RABL2A: variants seen among roughly 807,000 people sequenced by gnomAD.
RABL2A encodes rab-like protein 2A.
A neutral mutation model predicts 30.7 loss-of-function variants in RABL2A; 17 were observed. The observed-to-expected ratio is 0.55, with a 90% CI of 0.38 to 0.83. RABL2A has a LOEUF of 0.83. RABL2A is among the 40% of genes least tolerant of loss of function. RABL2A has a pLI of 0.00. For synonymous variants in RABL2A, 64 were observed against 101.8 expected, an observed-to-expected ratio of 0.63 and a Z score of 2.24; for missense variants, 155 against 272.6, an observed-to-expected ratio of 0.57 and a Z score of 3.04.
At chr2:113,640,853 T>C (rs760879350) in intron 5 of RABL2A, 41 bp from the exon 6 acceptor site, 6 of 1,613,052 alleles carry the variant, frequency 3.7e-6, no homozygotes, top group East Asian at 4.5e-5. Context: ...TGCAGAAACA[T>C]TGACATACCT....
At chr2:113,638,561 T>C (rs1430085013) in intron 5 of RABL2A, 2 of 985,222 alleles carry the variant, frequency 2.0e-6, no homozygotes, top group East Asian at 1.1e-4. Context: ...TCCTTCTTGC[T>C]GATATTTTAA....
chr2:113,634,255 A>G (rs779463036), intron 4 of RABL2A, 23 bp downstream of exon 4: 1 of 1,601,652 alleles, frequency 6.2e-7, no homozygotes, highest in African/African-American at 1.3e-5. Context: ...GGGCCAAGAC[A>G]TGCTGACCCT....
At chr2:113,636,711 G>GGGTGC (rs2104705301) in intron 5 of RABL2A, among the ~76,000 whole-genome samples, 1 of 152,290 alleles carries the variant, frequency 6.6e-6, no homozygotes, top group African/African-American at 2.4e-5. Context: ...GCCATGGGCC[G>GGGTGC]GGTGCGGTGG....
intron 3 of RABL2A, chr2:113,633,933 GAC>G (rs1444396953): frequency 1.0e-6 from 1 of 981,286 alleles, no homozygotes; most frequent in East Asian, 2.8e-5. Context: ...CGATGGCCAG[GAC>G]ACACTCTCAT....
At chr2:113,635,834 C>T (rs947465500) in intron 5 of RABL2A, among the ~76,000 whole-genome samples, 19 of 151,394 alleles carry the variant, frequency 1.3e-4, no homozygotes, top group South Asian at 4.2e-4. Context: ...TGGCTGGGCA[C>T]GGTGGCTCAT....
intron 5 of RABL2A, chr2:113,637,567 C>T: frequency 8.3e-7 from 1 of 1,207,560 alleles, no homozygotes; most frequent in Non-Finnish European, 1.1e-6. Context: ...AAGGAAGGAA[C>T]TCGTCACCTA....
At chr2:113,640,033 C>G (rs1217197804) in intron 5 of RABL2A, 5 of 151,792 alleles carry the variant, frequency 3.3e-5, no homozygotes, top group African/African-American at 9.7e-5. Context: ...TGCGTGCGTG[C>G]TACTTGGGAG....
chr2:113,630,084 C>G (rs1223298107), intron 2 of RABL2A, among the ~76,000 whole-genome samples: 2 of 152,142 alleles, frequency 1.3e-5, no homozygotes, highest in Admixed American at 1.3e-4. Context: ...CAATGCTAGT[C>G]TCTTTATATG....
chr2:113,630,235 T>C (rs1037290160), intron 2 of RABL2A, among the ~76,000 whole-genome samples: 21 of 152,142 alleles, frequency 1.4e-4, no homozygotes, highest in Admixed American at 5.2e-4. Flanking sequence ...AGGCAAAAGG[T>C]TGTCCCAGAT....
intron 3 of RABL2A, chr2:113,633,824 A>C: frequency 5.9e-6 from 2 of 341,148 alleles, no homozygotes; most frequent in South Asian, 3.1e-5. Flanking sequence ...AGCTCCATCC[A>C]TGATTGAGTT....
chr2:113,641,526 A>G (rs769348854), intron 7 of RABL2A, 76 bp downstream of exon 7: 33 of 1,612,332 alleles, frequency 2.0e-5, no homozygotes, highest in Non-Finnish European at 2.5e-5. Flanking sequence ...AGAAGGGCTT[A>G]CTGCAGGTGT....
chr2:113,635,288 GCTT>G (rs58901919), intron 5 of RABL2A, 158 bp downstream of exon 5: 206,199 of 665,662 alleles, frequency 0.31, 34,968 homozygotes, highest in Middle Eastern at 0.43. Context: ...GCTCCCCAGA[GCTT>G]CTTAGTGAGA....
chr2:113,628,992 G>A (rs1679196360), intron 2 of RABL2A, among the ~76,000 whole-genome samples: 1 of 151,650 alleles, frequency 6.6e-6, no homozygotes, highest in South Asian at 2.1e-4. Flanking sequence ...TTTGTGGGCT[G>A]AGGGATGGCA....
At position 113,642,277 on chromosome 2, in the gene RABL2A, C is replaced by T. The variant is rs557145191; in HGVS notation, c.*148C>T. On this transcript the variant is annotated 3_prime_UTR_variant, in exon 9 of 9. Transcript: ENST00000683472. ...CTATTAGCCTCCCACATTCAAGGCC[C>T]GTGATACAGGGATGAGGTCAGCACC... 44 of 1,474,530 alleles carry T rather than the reference C, an allele frequency of 3.0e-5. No homozygotes were observed. Among genetic ancestry groups the T allele is most frequent in the Middle Eastern group, 2.4e-4 (1 of 4,250 alleles). The allele number at this position is 1,474,530 out of a possible 1,614,324, so 91.3% of individuals were successfully genotyped here.
At position 113,632,903 on chromosome 2, in the gene RABL2A, T is replaced by C; in HGVS notation, c.108-12T>C. On this transcript the variant is annotated splice_polypyrimidine_tract_variant and intron_variant, in intron 2 of 8. Coordinates refer to ENST00000683472, the MANE Select transcript of RABL2A (RefSeq NM_001306158.2). ...AGACGCCATCTGACCACCTTGCCTG[T>C]TCTGCTTACAGACTCATGGAGAGAT... 1 of 1,614,218 alleles carries C rather than the reference T, an allele frequency of 6.2e-7. No homozygotes were observed. Among genetic ancestry groups the C allele is most frequent in the Non-Finnish European group, 8.5e-7 (1 of 1,180,028 alleles).
intron 3 of RABL2A, chr2:113,633,738 A>G (rs1283162242): frequency 4.3e-6 from 1 of 232,384 alleles, no homozygotes; most frequent in Non-Finnish European, 8.7e-6. Flanking sequence ...TGTCAACTGT[A>G]TGGCTTGTGG....
intron 5 of RABL2A, chr2:113,640,177 T>G (rs1268104304): frequency 6.6e-6 from 1 of 152,118 alleles, no homozygotes; most frequent in Non-Finnish European, 1.5e-5. Flanking sequence ...AAATAGTAAC[T>G]AAAGTAAAAC....
rs1416220338 is a variant in RABL2A at position 113,640,933 on chromosome 2, A to C, written c.337A>C (p.Ser113Arg). The part of the protein sequence containing the change: ...IQRKVTYRNL[S>R]TWYTELREFR... ...GAGGAAAGTCACCTATAGGAACCTG[A>C]GCACCTGGTATACAGAGCTTCGGGA... Residue 113 changes from serine to arginine, a missense_variant, in exon 6 of 9, where the codon AGC becomes CGC. By Grantham distance (110) the Ser-to-Arg change is moderately radical (BLOSUM62 -1). This residue lies in a region of RABL2A where 82 missense variants were observed against 103.2 expected (regional missense o/e 0.79). Transcript: ENST00000683472. 1.2e-6 allele frequency: 2 copies of C among 1,613,806 alleles called. No individual in the cohort carries two copies. The highest frequency in any genetic ancestry group is 2.7e-5 in the African/African-American group (2 of 74,952).
Position 113,632,938 on chromosome 2 carries a change from A to G in RABL2A, c.131A>G (p.Asp44Gly), listed in dbSNP as rs759103794. The change falls in exon 3 of 9, where the codon GAT becomes GGT. Residue 44 changes from aspartate to glycine, a missense_variant. This residue lies in a region of RABL2A where 82 missense variants were observed against 103.2 expected (regional missense o/e 0.79). Coordinates refer to ENST00000683472, the MANE Select transcript of RABL2A (RefSeq NM_001306158.2). ...KSKLMERFLM[D>G]GFQPQQLSTY... Reference sequence around the variant, plus strand: ...AGACTCATGGAGAGATTTCTCATGGATGGCTTGTATCCTTCAAGGTTTGAA... The same window carrying G: ...AGACTCATGGAGAGATTTCTCATGGGTGGCTTGTATCCTTCAAGGTTTGAA... The G allele has an allele frequency of 7.4e-6, 12 of 1,614,092 alleles. No homozygotes were observed. The South Asian group carries it at 1.3e-4, about 18-fold the overall frequency.
Sources: allele counts gnomAD v4.1 joint callset (sites outside exome capture counted in the v4.1 genomes callset), GRCh38; gene constraint gnomAD v4.1.1; regional missense constraint gnomAD v4.1.1; transcripts MANE v1.5; gene names NCBI Gene and HGNC (gene_info 2026-07-23, HGNC 2026-07-21).